Variants in AMPH observed in about 807,000 individuals in gnomAD.
AMPH encodes the protein amphiphysin (Stiff-Mann syndrome with breast cancer 128kD autoantigen).
AMPH carries 49 observed loss-of-function variants against 99.1 expected under a neutral mutation model. That is an observed-to-expected ratio of 0.49 (90% CI 0.39 to 0.63). AMPH has a LOEUF of 0.63. Ranked by LOEUF, AMPH falls within the 20% of genes least tolerant of loss-of-function variation. The pLI is 0.00. For synonymous variants in AMPH, 314 were observed against 317.3 expected, an observed-to-expected ratio of 0.99 and a Z score of 0.11; for missense variants, 759 against 863.4, an observed-to-expected ratio of 0.88 and a Z score of 1.52.
intron 17 of AMPH, among the ~76,000 whole-genome samples, chr7:38,398,952 G>A (rs1030539984): frequency 6.6e-6 from 1 of 152,158 alleles, no homozygotes; most frequent in Admixed American, 6.5e-5. Context: ...TCCTGACGTT[G>A]TAGGAGCAAA....
At chr7:38,410,522 G>C (rs1562735363) in intron 17 of AMPH, among the ~76,000 whole-genome samples, 1 of 152,174 alleles carries the variant, frequency 6.6e-6, no homozygotes, top group African/African-American at 2.4e-5. Flanking sequence ...CATCCCGATG[G>C]CCTAGCAAAC....
At position 38,530,769 on chromosome 7, in the gene AMPH, G is replaced by A. The variant is rs150767256; in HGVS notation, c.150+4162C>T. 1.8e-3 allele frequency among the ~76,000 whole-genome samples: 280 copies of A among 152,266 alleles called. 1 individual carries two copies. Among genetic ancestry groups the A allele is most frequent in the Non-Finnish European group, 7.8e-4 (53 of 68,020 alleles). ...ACTGGTAGAACTGAAAGCAGGTGAT[G>A]TTCACACCAGTCAATTTTGCTACTT... On this transcript the variant is annotated intron_variant, in intron 2 of 20. Coordinates refer to ENST00000356264, the MANE Select transcript of AMPH (RefSeq NM_001635.4).
intron 11 of AMPH, among the ~76,000 whole-genome samples, chr7:38,441,521 A>T (rs887623032): frequency 1.3e-5 from 2 of 151,934 alleles, no homozygotes; most frequent in African/African-American, 4.8e-5. Context: ...CCTATCTGAG[A>T]TTTTATTTCC....
chr7:38,466,551 G>T (rs1410559950), intron 7 of AMPH, among the ~76,000 whole-genome samples: 1 of 151,546 alleles, frequency 6.6e-6, no homozygotes, highest in Non-Finnish European at 1.5e-5. Context: ...GATCTAGTAG[G>T]TCTGAACATG....
At chr7:38,388,155 A>C (rs1784396063) in intron 20 of AMPH, among the ~76,000 whole-genome samples, 1 of 152,182 alleles carries the variant, frequency 6.6e-6, no homozygotes, top group South Asian at 2.1e-4. Flanking sequence ...AGAAACTCGG[A>C]CTTAAGGAAA....
chr7:38,487,160 A>G (rs1788531459), intron 5 of AMPH, among the ~76,000 whole-genome samples: 1 of 152,110 alleles, frequency 6.6e-6, no homozygotes, highest in African/African-American at 2.4e-5. Context: ...GAAAACCCGA[A>G]AGGCTCTACA....
At chr7:38,456,483 T>A (rs867132726) in intron 11 of AMPH, among the ~76,000 whole-genome samples, 1 of 152,214 alleles carries the variant, frequency 6.6e-6, no homozygotes, top group Non-Finnish European at 1.5e-5. Flanking sequence ...CCCAGCCCAG[T>A]CTACCACTGT....
At chr7:38,604,199 T>C (rs184320869) in intron 1 of AMPH, among the ~76,000 whole-genome samples, 5 of 152,290 alleles carry the variant, frequency 3.3e-5, no homozygotes, top group African/African-American at 1.2e-4. Context: ...TCTTTGTAAA[T>C]AGGAGATTTT....
chr7:38,534,849 T>C, intron 2 of AMPH, 82 bp downstream of exon 2: 6 of 1,204,572 alleles, frequency 5.0e-6, no homozygotes, highest in Non-Finnish European at 7.2e-6. Context: ...CTTTTTTTAA[T>C]CTTAATGCAT....
intron 1 of AMPH, among the ~76,000 whole-genome samples, chr7:38,580,308 G>A (rs569364031): frequency 1.6e-4 from 24 of 152,204 alleles, no homozygotes; most frequent in South Asian, 1.2e-3. Context: ...ATTCCATTAA[G>A]CATGTAAAAC....
chr7:38,563,139 A>ATGAATGAG (rs1791615056), intron 1 of AMPH, among the ~76,000 whole-genome samples: 1 of 145,688 alleles, frequency 6.9e-6, no homozygotes, highest in Non-Finnish European at 1.5e-5. Context: ...TGAATGATGA[A>ATGAATGAG]TGAATGAATG....
chr7:38,577,115 T>A (rs1410246659), intron 1 of AMPH, among the ~76,000 whole-genome samples: 1 of 152,218 alleles, frequency 6.6e-6, no homozygotes, highest in African/African-American at 2.4e-5. Flanking sequence ...TAGATGTTTA[T>A]GTAGCAGGCA....
intron 2 of AMPH, among the ~76,000 whole-genome samples, chr7:38,526,314 G>A (rs1443272192): frequency 1.3e-5 from 2 of 150,264 alleles, no homozygotes; most frequent in African/African-American, 2.4e-5. Flanking sequence ...CCGTCACCCA[G>A]GCTGGACTGC....
chr7:38,482,034 T>C (rs559989168), intron 5 of AMPH, among the ~76,000 whole-genome samples: 7 of 152,260 alleles, frequency 4.6e-5, no homozygotes, highest in African/African-American at 1.4e-4. Flanking sequence ...AAAAACTTCT[T>C]TCAAATATTA....
intron 18 of AMPH, 84 bp from the exon 19 acceptor site, chr7:38,392,101 A>AG: frequency 7.0e-7 from 1 of 1,434,602 alleles, no homozygotes; most frequent in Non-Finnish European, 9.4e-7. Flanking sequence ...CTTAGCCCCC[A>AG]GCCCAAAGCT....
chr7:38,520,507 A>G (rs1038237073), intron 2 of AMPH, among the ~76,000 whole-genome samples: 2 of 152,226 alleles, frequency 1.3e-5, no homozygotes, highest in Non-Finnish European at 2.9e-5. Context: ...AAGTACTAGA[A>G]GCCATTGAAG....
intron 3 of AMPH, 140 bp downstream of exon 3, chr7:38,503,510 T>TGGGGGGGGGGGGGGGGGGGGGGGGG (rs1789221954): frequency 1.9e-6 from 1 of 513,252 alleles, no homozygotes; most frequent in Non-Finnish European, 3.3e-6. Flanking sequence ...GGGTGGGTGG[T>TGGGGGGGGGGGGGGGGGGGGGGGGG]GGAATGGAAC....
chr7:38,613,490 C>A (rs893946873), intron 1 of AMPH, among the ~76,000 whole-genome samples: 1 of 152,120 alleles, frequency 6.6e-6, no homozygotes, highest in African/African-American at 2.4e-5. Context: ...CTAAAGAGAT[C>A]AATCTTTTTA....
rs949920193 is a variant in AMPH, at chr7:38,499,465, C to T, written c.205+4185G>A. On this transcript the variant is annotated intron_variant, in intron 3 of 20. Transcript: ENST00000356264. ...ACTTCACAGAATCCCAGTTTTGGGGCCTTTAGGGGCTTCTGAGAGAACTGA... is the reference window on the plus strand; with the variant it reads ...ACTTCACAGAATCCCAGTTTTGGGGTCTTTAGGGGCTTCTGAGAGAACTGA... 2.0e-5 allele frequency among the ~76,000 whole-genome samples: 3 copies of T among 152,050 alleles called. No individual in the cohort carries two copies. In the East Asian group the frequency reaches 5.8e-4, roughly 29 times the overall value.
Sources: gnomAD v4.1 joint callset for allele counts (sites outside exome capture counted in the v4.1 genomes callset) on GRCh38, gnomAD v4.1.1 for gene constraint, MANE v1.5 for transcripts, NCBI Gene and HGNC (gene_info 2026-07-23, HGNC 2026-07-21) for gene names.